Variants in URI1 observed in about 807,000 individuals in gnomAD.
The protein encoded by URI1 is URI1 prefoldin like chaperone.
A neutral mutation model predicts 60.2 loss-of-function variants in URI1; 39 were observed. The observed-to-expected ratio is 0.65, with a 90% CI of 0.50 to 0.85. The LOEUF (loss-of-function observed/expected upper bound fraction) is 0.85. URI1 is among the 40% of genes least tolerant of loss of function. The pLI is 0.00. For synonymous variants in URI1, 251 were observed against 236.8 expected, an observed-to-expected ratio of 1.06 and a Z score of -0.55; for missense variants, 691 against 665.9, an observed-to-expected ratio of 1.04 and a Z score of -0.42.
chr19:30,015,784 A>G lies in URI1; in HGVS notation c.*715A>G, dbSNP rs2056078732. 6.4e-6 allele frequency: 3 copies of G among 466,414 alleles called. No homozygotes were observed. The highest frequency in any genetic ancestry group is 6.7e-5 in the East Asian group (2 of 29,798). The allele number at this position is 466,414 out of a possible 1,614,324, so 28.9% of individuals were successfully genotyped here. A position where few individuals can be genotyped will look rare whatever the true frequency, so the allele number is the denominator to read the frequency against. ...ATATGTATGCTACATGTATCACACAACAGATCTGGAATTCTTTCAGTTCCT... is the reference window on the plus strand; with the variant it reads ...ATATGTATGCTACATGTATCACACAGCAGATCTGGAATTCTTTCAGTTCCT... On this transcript the variant is annotated 3_prime_UTR_variant, in exon 11 of 11. Transcript: ENST00000392271.
Position 29,932,192 on chromosome 19 carries a change from T to C in URI1, c.63+8438T>C, listed in dbSNP as rs191631386. ...TTATGTTAGTTATGGGCTTTTCTTATATGGTCCTAATAACGTTGAAGAGGT... is the reference window on the plus strand; with the variant it reads ...TTATGTTAGTTATGGGCTTTTCTTACATGGTCCTAATAACGTTGAAGAGGT... On this transcript the variant is annotated intron_variant, in intron 1 of 10. Transcript: ENST00000360605. 3.2e-3 allele frequency among the ~76,000 whole-genome samples: 489 copies of C among 152,206 alleles called. 1 individual carries two copies. Among genetic ancestry groups the C allele is most frequent in the African/African-American group, 0.011 (466 of 41,560 alleles).
In URI1 at chr19:29,942,256, C is replaced by CT. The variant is rs1170749969; in HGVS notation, c.-292_-291insT. 1 of 984,456 alleles carries CT rather than the reference C, an allele frequency of 1.0e-6. No homozygotes were observed. Among genetic ancestry groups the CT allele is most frequent in the African/African-American group, 1.8e-5 (1 of 57,090 alleles). The allele number at this position is 984,456 out of a possible 1,614,324, so 61.0% of individuals were successfully genotyped here. ...GGCGGGGCGTGTGGGGAGGCGCGGC[C>CT]GCCACGCGACGCCTGGCTGGGCCCG... On this transcript the variant is annotated 5_prime_UTR_variant, in exon 1 of 11. Transcript: ENST00000392271.
intron 10 of URI1, 117 bp downstream of exon 10, chr19:30,012,648 C>A: frequency 7.8e-7 from 1 of 1,281,666 alleles, no homozygotes; most frequent in Non-Finnish European, 1.0e-6. Flanking sequence ...TTTCTTGGTA[C>A]TAATTAATAA....
chr19:29,973,860 T>C (rs1249712363), intron 2 of URI1, among the ~76,000 whole-genome samples: 1 of 152,192 alleles, frequency 6.6e-6, no homozygotes, highest in African/African-American at 2.4e-5. Flanking sequence ...GTTTTCAGTT[T>C]AGTGAGGATT....
intron 4 of URI1, among the ~76,000 whole-genome samples, chr19:29,995,060 G>T (rs2055794588): frequency 6.6e-6 from 1 of 152,228 alleles, no homozygotes; most frequent in South Asian, 2.1e-4. Flanking sequence ...GGGATTACAG[G>T]TGTGAGCCAC....
At chr19:29,945,354 G>A (rs945051150) in intron 1 of URI1, among the ~76,000 whole-genome samples, 5 of 152,116 alleles carry the variant, frequency 3.3e-5, no homozygotes, top group African/African-American at 1.2e-4. Context: ...CAGCTAAGGA[G>A]TATAACAAGT....
At chr19:29,942,039 C>A (rs2055030214), upstream of URI1, among the ~76,000 whole-genome samples, 2 of 147,714 alleles carry the variant, frequency 1.4e-5, no homozygotes, top group African/African-American at 2.5e-5. Flanking sequence ...TACGTAATCT[C>A]AAAAAAAAAA....
In URI1 at chr19:29,942,590, C is replaced by T. The variant is rs763718000; in HGVS notation, c.43C>T (p.Pro15Ser). 3.3e-5 allele frequency: 47 copies of T among 1,432,946 alleles called. No homozygotes were observed. The highest frequency in any genetic ancestry group is 4.2e-5 in the South Asian group (3 of 71,410). 88.8% of individuals were successfully genotyped at this position (1,432,946 alleles called of 1,614,324 possible). ...GGAGACGCCCCCCGACCCCTCGCCCCCTTCGGCCCCGGCCCCTGCCCTGGT... is the reference window on the plus strand; with the variant it reads ...GGAGACGCCCCCCGACCCCTCGCCCTCTTCGGCCCCGGCCCCTGCCCTGGT... ...TVETPPDPSP[P>S]SAPAPALVPL... is the part of the protein sequence containing the mutation. The change falls in exon 1 of 11, where the codon CCT becomes TCT. Residue 15 changes from proline to serine, a missense_variant. Transcript: ENST00000392271.
At chr19:30,002,787 T>C (rs919065944) in intron 4 of URI1, among the ~76,000 whole-genome samples, 2 of 152,010 alleles carry the variant, frequency 1.3e-5, no homozygotes, top group South Asian at 4.1e-4. Context: ...TCTATAATAA[T>C]TGGTAACTAA....
chr19:29,923,658 C>G (rs938676266), exon 1 of URI1: 1 of 1,534,330 alleles, frequency 6.5e-7, no homozygotes, highest in South Asian at 1.2e-5. Flanking sequence ...GGTCTTCTCA[C>G]TCTTTTCCAG....
At chr19:29,940,805 C>G (rs1208019831), upstream of URI1, among the ~76,000 whole-genome samples, 1 of 152,102 alleles carries the variant, frequency 6.6e-6, no homozygotes, top group Non-Finnish European at 1.5e-5. Flanking sequence ...GCGGGTTAAG[C>G]CCCTAAACGA....
Position 29,942,584 on chromosome 19 carries a change from T to G in URI1, c.37T>G (p.Ser13Ala). The G allele has an allele frequency of 4.1e-6, 4 of 972,132 alleles. No homozygotes were observed. The highest frequency in any genetic ancestry group is 1.3e-6 in the Non-Finnish European group (1 of 752,374). 60.2% of individuals were successfully genotyped at this position (972,132 alleles called of 1,614,324 possible). A position where few individuals can be genotyped will look rare whatever the true frequency, so the allele number is the denominator to read the frequency against. ...CACCGTGGAGACGCCCCCCGACCCC[T>G]CGCCCCCTTCGGCCCCGGCCCCTGC... ...APTVETPPDP[S>A]PPSAPAPALV... Residue 13 changes from serine to alanine, a missense_variant, in exon 1 of 11, where the codon TCG (serine) becomes GCG (alanine). By Grantham distance (99) the Ser-to-Ala change is moderately conservative (BLOSUM62 1). Transcript: ENST00000392271.
rs186576782 is a variant in URI1, at chr19:29,929,608, G to T, written c.63+5854G>T. On this transcript the variant is annotated intron_variant, in intron 1 of 10. Coordinates refer to the URI1 transcript ENST00000360605. ...TGAGACTCCATCTCAAAAAATTAAA[G>T]AAATAAAATAAAAAAATAAAAAATA... Among the ~76,000 whole-genome samples, 565 of 151,958 alleles carry T rather than the reference G, an allele frequency of 3.7e-3. 3 individuals are homozygous for T. Among genetic ancestry groups the T allele is most frequent in the African/African-American group, 0.013 (531 of 41,468 alleles).
intron 1 of URI1, among the ~76,000 whole-genome samples, chr19:29,970,382 G>C (rs1175457441): frequency 6.6e-6 from 1 of 151,840 alleles, no homozygotes; most frequent in South Asian, 2.1e-4. Context: ...TTTAAAAGTA[G>C]ATAATTAGCA....
rs139808591 is a variant in URI1, at chr19:29,923,810, G to A, written c.63+56G>A. On this transcript the variant is annotated intron_variant, in intron 1 of 10. Coordinates refer to the URI1 transcript ENST00000360605. Reference sequence around the variant, plus strand: ...CTCTGCTGTTAGTGTGAGGTTTGAGGATTTTACTTTAACCACATGGATTAG... The same window carrying A: ...CTCTGCTGTTAGTGTGAGGTTTGAGAATTTTACTTTAACCACATGGATTAG... 2.3e-5 allele frequency: 34 copies of A among 1,496,570 alleles called. No individual in the cohort carries two copies. In the East Asian group the frequency reaches 7.9e-4, roughly 35 times the overall value. 92.7% of individuals were successfully genotyped at this position (1,496,570 alleles called of 1,614,324 possible).
intron 1 of URI1, among the ~76,000 whole-genome samples, chr19:29,960,777 AT>A (rs1468208814): frequency 2.0e-5 from 3 of 152,144 alleles, no homozygotes; most frequent in African/African-American, 4.8e-5. Flanking sequence ...ATTTAATTTT[AT>A]CACCTTTCTA....
intron 3 of URI1, 82 bp downstream of exon 3, chr19:29,985,383 C>G (rs757777620): frequency 1.6e-4 from 186 of 1,181,282 alleles, no homozygotes; most frequent in Non-Finnish European, 2.3e-4. Context: ...GAATGTCAGG[C>G]TGATGGACTG....
intron 1 of URI1, among the ~76,000 whole-genome samples, chr19:29,929,071 G>A (rs983489217): frequency 2.0e-5 from 3 of 152,172 alleles, no homozygotes; most frequent in African/African-American, 7.2e-5. Context: ...CCGTGTTCTT[G>A]CTTTGCTGCT....
chr19:29,998,433 T>TA (rs2055839275), intron 4 of URI1, among the ~76,000 whole-genome samples: 1 of 152,340 alleles, frequency 6.6e-6, no homozygotes, highest in South Asian at 2.1e-4. Context: ...CTCCTCCAGC[T>TA]ATTATGGTGA....
Sources: allele counts gnomAD v4.1 joint callset (sites outside exome capture counted in the v4.1 genomes callset), GRCh38; gene constraint gnomAD v4.1.1; transcripts MANE v1.5; gene names NCBI Gene and HGNC (gene_info 2026-07-23, HGNC 2026-07-21).